Variants in TENM1 observed in about 807,000 individuals in gnomAD.
The protein encoded by TENM1 is teneurin transmembrane protein 1.
In TENM1, 35 loss-of-function variants were observed where a neutral mutation model predicts 174.8. The observed-to-expected ratio is 0.20, with a 90% confidence interval of 0.15 to 0.27. The LOEUF (loss-of-function observed/expected upper bound fraction) is 0.27, where lower values mean the gene tolerates loss of function less well. Ranked by LOEUF, TENM1 falls within the 10% of genes least tolerant of loss-of-function variation. TENM1 has a pLI of 1.00. For missense variants in TENM1, 1,633 were observed against 2,130.1 expected (o/e 0.77, Z 4.59); for synonymous variants, 781 against 798.7 (o/e 0.98, Z 0.37).
intron 5 of TENM1, among the ~76,000 whole-genome samples, chrX:124,678,842 G>A (rs1193815225): frequency 9.0e-6 from 1 of 111,290 alleles, no homozygotes; most frequent in East Asian, 2.8e-4. Context: ...TCTTTATAGT[G>A]CTACTGTCAG....
At chrX:124,397,352 T>C (rs1336539405) in intron 27 of TENM1, among the ~76,000 whole-genome samples, 1 of 111,624 alleles carries the variant, frequency 9.0e-6, no homozygotes, top group African/African-American at 3.3e-5. Context: ...CAAAGGGCAA[T>C]TTGCTATGGT....
the TENM1 span, among the ~76,000 whole-genome samples, chrX:125,171,711 G>A: frequency 3.6e-5 from 4 of 111,683 alleles, no homozygotes; most frequent in African/African-American, 1.3e-4. Context: ...GACACTGAAT[G>A]TGCCAGTGCC....
intron 3 of TENM1, among the ~76,000 whole-genome samples, chrX:124,840,747 A>G (rs1050950539): frequency 1.8e-5 from 2 of 112,137 alleles, no homozygotes; most frequent in Non-Finnish European, 3.8e-5. Flanking sequence ...TGTGCTAATC[A>G]GTACTCAACT....
chrX:124,483,098 C>A (rs1167876075), intron 21 of TENM1, among the ~76,000 whole-genome samples: 2 of 111,636 alleles, frequency 1.8e-5, no homozygotes, highest in Non-Finnish European at 3.8e-5. Flanking sequence ...ATGCTGCCTG[C>A]AGAGTTATTC....
chrX:124,582,890 C>G (rs55641217), intron 11 of TENM1, among the ~76,000 whole-genome samples: 14 of 112,480 alleles, frequency 1.2e-4, no homozygotes, highest in Non-Finnish European at 2.1e-4. Flanking sequence ...TATCCCGCAC[C>G]TGGCTTCGAG....
At chrX:124,471,399 ATATAT>A (rs1374417389) in intron 22 of TENM1, among the ~76,000 whole-genome samples, 1 of 28,090 alleles carries the variant, frequency 3.6e-5, no homozygotes, top group Non-Finnish European at 6.0e-5. Context: ...TATATATAAT[ATATAT>A]TATAATATAT....
At chrX:125,006,500 A>T in the TENM1 span, among the ~76,000 whole-genome samples, 1 of 111,443 alleles carries the variant, frequency 9.0e-6, no homozygotes, top group East Asian at 2.8e-4. Flanking sequence ...GACAAGGGGG[A>T]TTCTCCCAGC....
chrX:124,521,885 T>G (rs2047857377), intron 17 of TENM1, among the ~76,000 whole-genome samples: 1 of 111,957 alleles, frequency 8.9e-6, no homozygotes, highest in Non-Finnish European at 1.9e-5. Context: ...GTGTACACTT[T>G]GCCAGTTTTT....
chrX:124,644,286 G>A (rs2051102069), intron 10 of TENM1, among the ~76,000 whole-genome samples: 1 of 105,198 alleles, frequency 9.5e-6, no homozygotes, highest in African/African-American at 3.5e-5. Context: ...AAAAGCTAAA[G>A]TCTTGCTTGT....
intron 3 of TENM1, among the ~76,000 whole-genome samples, chrX:124,783,632 G>A (rs2054969315): frequency 9.0e-6 from 1 of 111,692 alleles, no homozygotes; most frequent in African/African-American, 3.2e-5. Flanking sequence ...TTTAGGAACT[G>A]GAGAGTGAAC....
At chrX:125,139,864 AG>A in the TENM1 span, among the ~76,000 whole-genome samples, 1 of 66,697 alleles carries the variant, frequency 1.5e-5, no homozygotes, top group Non-Finnish European at 2.8e-5. Flanking sequence ...ACACGGAGAG[AG>A]AGAGAGAGAG....
chrX:124,533,007 T>A (rs1282333909), intron 15 of TENM1, among the ~76,000 whole-genome samples: 1 of 112,218 alleles, frequency 8.9e-6, no homozygotes, highest in African/African-American at 3.2e-5. Context: ...TTTGCAGTAA[T>A]CTTGACTGAC....
chrX:124,852,507 G>T (rs2056739981), intron 3 of TENM1, among the ~76,000 whole-genome samples: 1 of 111,161 alleles, frequency 9.0e-6, no homozygotes, highest in African/African-American at 3.3e-5. Flanking sequence ...ATAAAAAAAT[G>T]TATATATCTT....
chrX:124,963,612 C>T (rs1486393547), exon 1 of TENM1: 5 of 1,210,234 alleles, frequency 4.1e-6, no homozygotes, highest in Middle Eastern at 2.3e-4. Flanking sequence ...TGGTTATACT[C>T]GTGCAGGGTC....
chrX:124,562,460 T>C (rs1281203244), intron 13 of TENM1, among the ~76,000 whole-genome samples: 1 of 112,921 alleles, frequency 8.9e-6, no homozygotes, highest in Non-Finnish European at 1.9e-5. Context: ...CATGATATTA[T>C]GCTTATAACA....
At chrX:124,990,871 C>T in the TENM1 span, among the ~76,000 whole-genome samples, 1 of 111,635 alleles carries the variant, frequency 9.0e-6, no homozygotes, top group African/African-American at 3.3e-5. Context: ...CTAGGTAGCA[C>T]TCCATGGTCG....
chrX:124,647,151 A>G (rs1342592444), intron 8 of TENM1, among the ~76,000 whole-genome samples: 1 of 112,064 alleles, frequency 8.9e-6, no homozygotes, highest in Non-Finnish European at 1.9e-5. Flanking sequence ...GCATTTCTCA[A>G]AAGCAAAACA....
chrX:124,469,544 A>C (rs1018865265), intron 22 of TENM1, among the ~76,000 whole-genome samples: 1 of 111,567 alleles, frequency 9.0e-6, no homozygotes, highest in Non-Finnish European at 1.9e-5. Flanking sequence ...CACAGGGCTC[A>C]AATTGGAGAG....
intron 3 of TENM1, among the ~76,000 whole-genome samples, chrX:124,856,355 A>T: frequency 9.0e-6 from 1 of 111,321 alleles, no homozygotes; most frequent in Non-Finnish European, 1.9e-5. Flanking sequence ...AGATTAAAAG[A>T]CCTTAAACTA....
Sources: allele counts gnomAD v4.1 joint callset (sites outside exome capture counted in the v4.1 genomes callset), GRCh38; gene constraint gnomAD v4.1.1; transcripts MANE v1.5; gene names NCBI Gene and HGNC (gene_info 2026-07-23, HGNC 2026-07-21).